RARB: variants seen among roughly 807,000 people sequenced by gnomAD.
RARB encodes the protein retinoic acid receptor beta.
A neutral mutation model predicts 51.9 loss-of-function variants in RARB; 17 were observed. The ratio of observed to expected loss-of-function variants is 0.33; its 90% CI spans 0.22 to 0.49. The LOEUF is 0.49. Ranked by LOEUF, RARB falls within the 20% of genes least tolerant of loss-of-function variation. The probability of loss-of-function intolerance (pLI) is 0.99; values close to 1 mark genes in which losing one functional copy is unlikely to be tolerated. For missense variants in RARB, 369 were observed against 550.8 expected (o/e 0.67, Z 3.30); for synonymous variants, 215 against 195.4 (o/e 1.10, Z -0.84).
At chr3:25,382,994 G>A (rs1229639655) in intron 5 of RARB, among the ~76,000 whole-genome samples, 1 of 152,182 alleles carries the variant, frequency 6.6e-6, no homozygotes, top group Admixed American at 6.5e-5. Context: ...GGAAGAACTA[G>A]AGTGAGAACA....
chr3:24,988,868 C>T (rs150178210), intron 2 of RARB, among the ~76,000 whole-genome samples: 1,792 of 152,174 alleles, frequency 0.012, 26 homozygotes, highest in East Asian at 0.087. Flanking sequence ...CTCTGTCAGC[C>T]AGGCTGGAGT....
chr3:25,431,162 G>A (rs1054578446), intron 1 of RARB, among the ~76,000 whole-genome samples: 3 of 152,048 alleles, frequency 2.0e-5, no homozygotes, highest in African/African-American at 7.2e-5. Context: ...CTATTTTGAC[G>A]AGAAGCAGAT....
intron 5 of RARB, among the ~76,000 whole-genome samples, chr3:25,340,067 C>T (rs1367563307): frequency 6.6e-6 from 1 of 152,086 alleles, no homozygotes; most frequent in African/African-American, 2.4e-5. Flanking sequence ...TGGTACAGAG[C>T]ATGTAAAGCG....
chr3:25,322,113 A>G (rs1289542744), intron 5 of RARB, among the ~76,000 whole-genome samples: 1 of 151,102 alleles, frequency 6.6e-6, no homozygotes, highest in Non-Finnish European at 1.5e-5. Flanking sequence ...TGAATAGCGC[A>G]GCATTGGGTC....
chr3:25,360,677 A>G (rs976795646), intron 5 of RARB, among the ~76,000 whole-genome samples: 7 of 152,184 alleles, frequency 4.6e-5, no homozygotes, highest in African/African-American at 1.7e-4. Context: ...CCTGGTGGTG[A>G]CAAAATCCCT....
chr3:25,038,273 G>A (rs1158548739), intron 2 of RARB, among the ~76,000 whole-genome samples: 7 of 152,116 alleles, frequency 4.6e-5, no homozygotes, highest in African/African-American at 1.7e-4. Context: ...AAATGAAGTT[G>A]TGTATAACAT....
At chr3:25,327,125 G>A (rs975422014) in intron 5 of RARB, among the ~76,000 whole-genome samples, 27 of 152,150 alleles carry the variant, frequency 1.8e-4, no homozygotes, top group African/African-American at 6.3e-4. Flanking sequence ...AAAAGTAGGA[G>A]GGAGCAGGGA....
At chr3:25,460,365 G>C (rs1695115284) in intron 1 of RARB, among the ~76,000 whole-genome samples, 1 of 151,956 alleles carries the variant, frequency 6.6e-6, no homozygotes, top group Admixed American at 6.6e-5. Context: ...GACCCTCCCA[G>C]TACACTTGTT....
At chr3:25,199,506 G>C (rs1321273420) in intron 5 of RARB, among the ~76,000 whole-genome samples, 1 of 152,154 alleles carries the variant, frequency 6.6e-6, no homozygotes, top group Non-Finnish European at 1.5e-5. Flanking sequence ...ACAATGTGCA[G>C]GTTTGTTACA....
chr3:25,056,886 G>A (rs971803513), intron 2 of RARB, among the ~76,000 whole-genome samples: 5 of 151,906 alleles, frequency 3.3e-5, no homozygotes, highest in Admixed American at 1.3e-4. Context: ...CCTTAATGAC[G>A]AGTGACTCGC....
chr3:25,285,539 AT>A (rs1457831369), intron 5 of RARB, among the ~76,000 whole-genome samples: 1 of 152,186 alleles, frequency 6.6e-6, no homozygotes, highest in Non-Finnish European at 1.5e-5. Flanking sequence ...TTGAACTTGA[AT>A]TGAACCTGAC....
chr3:25,577,277 T>C (rs1056133534), intron 4 of RARB, among the ~76,000 whole-genome samples: 1 of 152,120 alleles, frequency 6.6e-6, no homozygotes, highest in South Asian at 2.1e-4. Flanking sequence ...ATGGGGACCA[T>C]AATGGTGCCT....
chr3:25,050,287 G>A (rs1003723537), intron 2 of RARB, among the ~76,000 whole-genome samples: 1 of 134,306 alleles, frequency 7.4e-6, no homozygotes, highest in South Asian at 3.0e-4. Flanking sequence ...GTCAAGGTGA[G>A]CTGCTTTCAA....
intron 4 of RARB, among the ~76,000 whole-genome samples, chr3:25,576,114 G>T (rs905748111): frequency 6.8e-6 from 1 of 147,560 alleles, no homozygotes; most frequent in Non-Finnish European, 1.5e-5. Context: ...CACGGCACAG[G>T]GTTTCACAGG....
At chr3:25,508,536 A>ATTG (rs1287904281) in intron 3 of RARB, among the ~76,000 whole-genome samples, 1 of 152,196 alleles carries the variant, frequency 6.6e-6, no homozygotes, top group Non-Finnish European at 1.5e-5. Context: ...GGAAATTCAT[A>ATTG]TTGTAGGTTG....
At chr3:24,838,076 T>A (rs1284626222) in intron 1 of RARB, among the ~76,000 whole-genome samples, 1 of 152,158 alleles carries the variant, frequency 6.6e-6, no homozygotes, top group East Asian at 1.9e-4. Context: ...TTCCATGTGG[T>A]TCTAAGACTA....
intron 2 of RARB, among the ~76,000 whole-genome samples, chr3:24,998,266 A>T (rs1575111889): frequency 1.4e-5 from 2 of 139,522 alleles, no homozygotes; most frequent in Admixed American, 7.7e-5. Context: ...CGGCCTTTTG[A>T]CTTGTAGTTT....
At chr3:24,927,584 CCCCAG>C (rs1284547578) in intron 2 of RARB, among the ~76,000 whole-genome samples, 1 of 151,898 alleles carries the variant, frequency 6.6e-6, no homozygotes, top group East Asian at 1.9e-4. Context: ...ATGGCTACAG[CCCCAG>C]AAACATGCAA....
intron 5 of RARB, among the ~76,000 whole-genome samples, chr3:25,196,046 T>C (rs1050006208): frequency 6.6e-6 from 1 of 151,956 alleles, no homozygotes; most frequent in African/African-American, 2.4e-5. Flanking sequence ...GGTTATCAAG[T>C]ATCTCATTAA....
Sources: allele counts gnomAD v4.1 joint callset (sites outside exome capture counted in the v4.1 genomes callset), GRCh38; gene constraint gnomAD v4.1.1; transcripts MANE v1.5; gene names NCBI Gene and HGNC (gene_info 2026-07-23, HGNC 2026-07-21).